TOP6BL: variants seen among roughly 807,000 people sequenced by gnomAD.
TOP6BL encodes type 2 DNA topoisomerase 6 subunit B-like.
chr11:66,817,985 AAGG>A, the TOP6BL span, among the ~76,000 whole-genome samples: 17 of 152,302 alleles, frequency 1.1e-4, no homozygotes, highest in African/African-American at 3.1e-4. Flanking sequence ...GGAAAGTTAC[AAGG>A]AGAAGTGGAG....
the TOP6BL span, among the ~76,000 whole-genome samples, chr11:66,805,938 A>G: frequency 6.6e-6 from 1 of 152,214 alleles, no homozygotes; most frequent in East Asian, 1.9e-4. Context: ...TGACAGAATA[A>G]TGATACTTTC....
the TOP6BL span, among the ~76,000 whole-genome samples, chr11:66,757,644 T>C: frequency 6.6e-6 from 1 of 152,160 alleles, no homozygotes; most frequent in Non-Finnish European, 1.5e-5. Context: ...TAGAGTGCAA[T>C]GGTGCAATCT....
the TOP6BL span, among the ~76,000 whole-genome samples, chr11:66,807,801 C>T: frequency 6.6e-6 from 1 of 152,130 alleles, no homozygotes; most frequent in African/African-American, 2.4e-5. Context: ...GAATCCAGGA[C>T]CTGCTGAGCT....
At chr11:66,793,570 G>A in the TOP6BL span, among the ~76,000 whole-genome samples, 76 of 147,278 alleles carry the variant, frequency 5.2e-4, 1 homozygote, top group African/African-American at 1.8e-3. Context: ...TCAGCCTCCC[G>A]AGTAGCTGGG....
the TOP6BL span, among the ~76,000 whole-genome samples, chr11:66,774,852 G>A: frequency 6.6e-6 from 1 of 150,514 alleles, no homozygotes; most frequent in East Asian, 2.0e-4. Context: ...GGTGGCTCAC[G>A]CCTGTAATCC....
At chr11:66,843,299 T>G in the TOP6BL span, 1 of 1,571,500 alleles carries the variant, frequency 6.4e-7, no homozygotes. Flanking sequence ...TCCCGTGGTT[T>G]AATAAAGCTG....
At chr11:66,750,289 T>C in the TOP6BL span, among the ~76,000 whole-genome samples, 1 of 152,268 alleles carries the variant, frequency 6.6e-6, no homozygotes. Context: ...GGCTCATGCC[T>C]GTAACACCAG....
At chr11:66,773,077 T>G in the TOP6BL span, among the ~76,000 whole-genome samples, 2 of 152,182 alleles carry the variant, frequency 1.3e-5, no homozygotes, top group African/African-American at 4.8e-5. Flanking sequence ...ACAGTCTCTC[T>G]CTCTCTCTCT....
At chr11:66,825,496 A>C in the TOP6BL span, among the ~76,000 whole-genome samples, 1 of 80,332 alleles carries the variant, frequency 1.2e-5, no homozygotes, top group South Asian at 3.0e-4. Flanking sequence ...TGTCCCAACC[A>C]AAAAAAAAAA....
chr11:66,820,437 G>C, the TOP6BL span, among the ~76,000 whole-genome samples: 1 of 152,276 alleles, frequency 6.6e-6, no homozygotes, highest in East Asian at 1.9e-4. Context: ...TTGGCTTCCT[G>C]TGCCTGCTGC....
the TOP6BL span, among the ~76,000 whole-genome samples, chr11:66,755,121 A>T: frequency 4.3e-5 from 6 of 140,748 alleles, no homozygotes; most frequent in Admixed American, 1.4e-4. Context: ...TAGTTTCTAG[A>T]TTTTTTTTTT....
chr11:66,749,946 A>G, the TOP6BL span, among the ~76,000 whole-genome samples: 5 of 152,122 alleles, frequency 3.3e-5, no homozygotes, highest in Admixed American at 6.6e-5. Context: ...TTACAGAAAC[A>G]TATATTGTGG....
the TOP6BL span, among the ~76,000 whole-genome samples, chr11:66,815,528 C>G: frequency 1.3e-5 from 2 of 152,202 alleles, no homozygotes; most frequent in African/African-American, 4.8e-5. Context: ...GTCTAGAACT[C>G]AGTTCCACCA....
chr11:66,810,419 A>C, the TOP6BL span, among the ~76,000 whole-genome samples: 80 of 152,362 alleles, frequency 5.3e-4, no homozygotes, highest in Non-Finnish European at 1.0e-3. Flanking sequence ...AAAAGCATCC[A>C]AGACAGGTTT....
the TOP6BL span, among the ~76,000 whole-genome samples, chr11:66,785,627 C>T: frequency 6.6e-6 from 1 of 152,146 alleles, no homozygotes; most frequent in African/African-American, 2.4e-5. Flanking sequence ...AGATGCAAAG[C>T]TCTTGCATCT....
the TOP6BL span, among the ~76,000 whole-genome samples, chr11:66,764,944 G>T: frequency 1.2e-3 from 189 of 152,022 alleles, 1 homozygote; most frequent in Non-Finnish European, 1.5e-3. Context: ...CTACAGCCTT[G>T]GTGACAGAGT....
chr11:66,798,907 A>G, the TOP6BL span, among the ~76,000 whole-genome samples: 1 of 151,702 alleles, frequency 6.6e-6, no homozygotes, highest in Non-Finnish European at 1.5e-5. Context: ...CCTTGTCTCT[A>G]CTAAAAATAC....
the TOP6BL span, among the ~76,000 whole-genome samples, chr11:66,833,723 G>A: frequency 3.3e-5 from 5 of 152,070 alleles, no homozygotes; most frequent in African/African-American, 4.8e-5. Flanking sequence ...CAAGGCAGGT[G>A]GATCACTTGA....
At chr11:66,789,087 A>T in the TOP6BL span, among the ~76,000 whole-genome samples, 1 of 152,206 alleles carries the variant, frequency 6.6e-6, no homozygotes, top group Non-Finnish European at 1.5e-5. Flanking sequence ...GGACACACTC[A>T]GTCCGTAATA....
Sources: allele counts gnomAD v4.1 joint callset (sites outside exome capture counted in the v4.1 genomes callset), GRCh38; gene constraint gnomAD v4.1.1; transcripts MANE v1.5; gene names NCBI Gene and HGNC (gene_info 2026-07-23, HGNC 2026-07-21).